GAS7: variants seen among roughly 807,000 people sequenced by gnomAD.
GAS7 encodes the protein growth arrest specific 7.
A neutral mutation model predicts 71.1 loss-of-function variants in GAS7; 28 were observed. That is an observed-to-expected ratio of 0.39 (90% CI 0.29 to 0.54). The LOEUF (loss-of-function observed/expected upper bound fraction) is 0.54, where lower values mean the gene tolerates loss of function less well. Ranked by LOEUF, GAS7 falls within the 20% of genes least tolerant of loss-of-function variation. GAS7 has a pLI of 0.62. For synonymous variants in GAS7, 258 were observed against 245.8 expected, an observed-to-expected ratio of 1.05 and a Z score of -0.46; for missense variants, 436 against 627.8, an observed-to-expected ratio of 0.69 and a Z score of 3.27.
chr17:10,100,353 A>G (rs912779890), intron 1 of GAS7, among the ~76,000 whole-genome samples: 1 of 152,184 alleles, frequency 6.6e-6, no homozygotes, highest in Non-Finnish European at 1.5e-5. Context: ...ATTCAGGCAC[A>G]TGGACTCACA....
rs564257269 is a variant in GAS7 at position 10,143,713 on chromosome 17, A to G, written c.183+54495T>C. Among the ~76,000 whole-genome samples the G allele has an allele frequency of 2.0e-5, 3 of 152,344 alleles. No individual in the cohort carries two copies. In the East Asian group the frequency reaches 5.8e-4, roughly 29 times the overall value. ...GAGGACACATGGAGAAAACAAGCCA[A>G]GAAGAGCGACCTCAGAAGAAACTAA... is the stretch of plus-strand genomic sequence containing the variant. On this transcript the variant is annotated intron_variant, in intron 1 of 13. Coordinates refer to ENST00000432992, the MANE Select transcript of GAS7 (RefSeq NM_201433.2).
intron 2 of GAS7, among the ~76,000 whole-genome samples, chr17:9,985,544 C>T (rs1375774583): frequency 6.6e-6 from 1 of 152,250 alleles, no homozygotes; most frequent in African/African-American, 2.4e-5. Flanking sequence ...ACCATGCAGC[C>T]TATCAAGATT....
At chr17:9,957,353 C>T (rs896057262) in intron 5 of GAS7, among the ~76,000 whole-genome samples, 7 of 152,130 alleles carry the variant, frequency 4.6e-5, no homozygotes, top group African/African-American at 1.2e-4. Flanking sequence ...CAGGGATGGG[C>T]GAGGTGTGCT....
At chr17:10,152,697 A>C (rs914090041) in intron 1 of GAS7, among the ~76,000 whole-genome samples, 3 of 152,136 alleles carry the variant, frequency 2.0e-5, no homozygotes, top group African/African-American at 7.2e-5. Flanking sequence ...CTCTATATTA[A>C]CATAAATGCT....
chr17:9,989,209 G>A (rs935481492), intron 2 of GAS7, among the ~76,000 whole-genome samples: 7 of 152,086 alleles, frequency 4.6e-5, no homozygotes, highest in Non-Finnish European at 8.8e-5. Flanking sequence ...TGACAACAAA[G>A]ACCACCATTT....
chr17:10,046,876 G>GGAAAA lies in GAS7; in HGVS notation c.184-26984_184-26980dup, dbSNP rs796639166. 7.1e-4 allele frequency among the ~76,000 whole-genome samples: 70 copies of GGAAAA among 98,228 alleles called. 5 individuals carry two copies. Among genetic ancestry groups the GGAAAA allele is most frequent in the South Asian group, 5.8e-3 (21 of 3,614 alleles). 64.4% of individuals were successfully genotyped at this position (98,228 alleles called of 152,430 possible). On this transcript the variant is annotated intron_variant, in intron 1 of 13. Transcript: ENST00000432992. ...AAAGAAAAGAAAAAAGAAAAGAAAAGGAAAAGAAAAGAAAAGAAAAGAAAA... is the reference window on the plus strand; with the variant it reads ...AAAGAAAAGAAAAAAGAAAAGAAAAGGAAAAGAAAAGAAAAGAAAAGAAAAGAAAA...
intron 2 of GAS7, among the ~76,000 whole-genome samples, chr17:9,982,912 T>C (rs2070488588): frequency 6.6e-6 from 1 of 152,086 alleles, no homozygotes; most frequent in Admixed American, 6.5e-5. Context: ...CTGCAAGCTA[T>C]AGTATTGTCC....
chr17:10,016,751 A>AAAAAATAAT (rs1041791930), intron 2 of GAS7, among the ~76,000 whole-genome samples: 1 of 139,900 alleles, frequency 7.1e-6, no homozygotes, highest in Non-Finnish European at 1.5e-5. Flanking sequence ...TCTCTACAAA[A>AAAAAATAAT]AATAATAATA....
At chr17:10,147,529 T>C (rs541727917) in intron 1 of GAS7, among the ~76,000 whole-genome samples, 10 of 152,330 alleles carry the variant, frequency 6.6e-5, no homozygotes, top group Admixed American at 5.9e-4. Flanking sequence ...GTCTGGAATT[T>C]ACTAGCTACT....
At chr17:10,069,646 G>A (rs991804850) in intron 1 of GAS7, among the ~76,000 whole-genome samples, 3 of 152,122 alleles carry the variant, frequency 2.0e-5, no homozygotes, top group African/African-American at 4.8e-5. Flanking sequence ...CCCCACAGCC[G>A]GAGACCCTGA....
At chr17:10,063,891 A>T (rs1245664851) in intron 1 of GAS7, among the ~76,000 whole-genome samples, 2 of 151,820 alleles carry the variant, frequency 1.3e-5, no homozygotes, top group Admixed American at 6.6e-5. Flanking sequence ...TCTTTTTTTC[A>T]TCCAGCCACA....
Position 10,090,731 on chromosome 17 carries a change from C to T in GAS7, c.184-70834G>A, listed in dbSNP as rs541587600. ...ATGCCAGGGCATGAAATCACTGAAG[C>T]CAGTTAACATCCTCAGTTTTTGGAT... On this transcript the variant is annotated intron_variant, in intron 1 of 13. Transcript: ENST00000432992. 1.8e-4 allele frequency among the ~76,000 whole-genome samples: 28 copies of T among 152,206 alleles called. 1 individual carries two copies. The South Asian group carries it at 5.8e-3, about 32-fold the overall frequency.
intron 1 of GAS7, among the ~76,000 whole-genome samples, chr17:10,159,065 CATAT>C (rs745794234): frequency 0.28 from 17,081 of 60,002 alleles, 3,264 homozygotes; most frequent in South Asian, 0.42. Flanking sequence ...GTCTCTAAAA[CATAT>C]ATATATATAT....
chr17:10,121,771 TC>T (rs1382337636), intron 1 of GAS7, among the ~76,000 whole-genome samples: 2 of 152,050 alleles, frequency 1.3e-5, no homozygotes, highest in Non-Finnish European at 2.9e-5. Flanking sequence ...CAAGCATGCT[TC>T]CCTGTACCCC....
chr17:10,133,116 T>TATATATATATA (rs1319814933), intron 1 of GAS7, among the ~76,000 whole-genome samples: 4 of 144,368 alleles, frequency 2.8e-5, no homozygotes, highest in Admixed American at 7.0e-5. Context: ...GATTATATAT[T>TATATATATATA]TTTATATTTT....
Position 10,046,785 on chromosome 17 carries a change from A to AAAGGAAGGAAGGAAGG in GAS7, c.184-26904_184-26889dup, listed in dbSNP as rs57271954. ...AAAGAAAGAAGAGAAAGAAAGAAAGAAAGGAAGGAAGGAAGGAAGGAAGGA... is the reference window on the plus strand; with the variant it reads ...AAAGAAAGAAGAGAAAGAAAGAAAGAAAGGAAGGAAGGAAGGAAGGAAGGAAGGAAGGAAGGAAGGA... On this transcript the variant is annotated intron_variant, in intron 1 of 13. Coordinates refer to ENST00000432992, the MANE Select transcript of GAS7 (RefSeq NM_201433.2). 3.6e-3 allele frequency among the ~76,000 whole-genome samples: 245 copies of AAAGGAAGGAAGGAAGG among 68,806 alleles called. 2 individuals carry two copies. Among genetic ancestry groups the AAAGGAAGGAAGGAAGG allele is most frequent in the Middle Eastern group, 7.2e-3 (1 of 138 alleles). 45.1% of individuals were successfully genotyped at this position (68,806 alleles called of 152,430 possible). A position where few individuals can be genotyped will look rare whatever the true frequency, so the allele number is the denominator to read the frequency against.
intron 1 of GAS7, among the ~76,000 whole-genome samples, chr17:10,031,200 C>T (rs1307283270): frequency 6.6e-6 from 1 of 152,228 alleles, no homozygotes; most frequent in Non-Finnish European, 1.5e-5. Context: ...CCCAGCACAT[C>T]CCTGAGGGCC....
At chr17:10,152,854 G>T (rs2074176711) in intron 1 of GAS7, among the ~76,000 whole-genome samples, 1 of 152,004 alleles carries the variant, frequency 6.6e-6, no homozygotes, top group South Asian at 2.1e-4. Flanking sequence ...GGGCCAGACA[G>T]GCCAAGCAAG....
intron 1 of GAS7, among the ~76,000 whole-genome samples, chr17:10,154,564 T>C (rs772584519): frequency 4.7e-5 from 7 of 149,320 alleles, no homozygotes; most frequent in Non-Finnish European, 8.9e-5. Flanking sequence ...TGTAATCCCA[T>C]CACTTTGGGA....
Sources: allele counts gnomAD v4.1 joint callset (sites outside exome capture counted in the v4.1 genomes callset), GRCh38; gene constraint gnomAD v4.1.1; transcripts MANE v1.5; gene names NCBI Gene and HGNC (gene_info 2026-07-23, HGNC 2026-07-21).